LRP4: variants seen among roughly 807,000 people sequenced by gnomAD.
LRP4 encodes the protein LDL receptor related protein 4, also known as low-density lipoprotein receptor-related protein 4.
In LRP4, 95 loss-of-function variants were observed where a neutral mutation model predicts 220.3. The ratio of observed to expected loss-of-function variants is 0.43; its 90% CI spans 0.37 to 0.51. LRP4 has a LOEUF of 0.51. Among genes scored for constraint, LRP4 ranks in the 20% least tolerant of loss-of-function variants. The pLI is 0.00. For synonymous variants in LRP4, 903 were observed against 954.6 expected (o/e 0.95, Z 1.00); for missense variants, 1,925 against 2,567.0 (o/e 0.75, Z 5.40).
At position 46,896,250 on chromosome 11, in the gene LRP4, G is replaced by A; in HGVS notation, c.1008C>T (p.Asp336=). ...GGCTTTCGTCGCTGTTGTCACCACA[G>A]TCGTTGACCCCGTTGCACAGCTTCC... is the stretch of plus-strand genomic sequence containing the variant. ...GQRKLCNGVN[D]CGDNSDESPQ... The change falls in exon 9 of 38, where the codon GAC becomes GAT. Residue 336 remains aspartate (D), a synonymous_variant. Coordinates refer to ENST00000378623, the MANE Select transcript of LRP4 (RefSeq NM_002334.4). 6.2e-7 allele frequency: 1 copy of A among 1,614,166 alleles called. No homozygotes were observed. The highest frequency in any genetic ancestry group is 8.5e-7 in the Non-Finnish European group (1 of 1,180,048).
rs1009106406 is a variant in LRP4 at position 46,876,900 on chromosome 11, G to C, written c.3278-70C>G. On this transcript the variant is annotated intron_variant, in intron 23 of 37. Coordinates refer to ENST00000378623, the MANE Select transcript of LRP4 (RefSeq NM_002334.4). ...AATGGGACACACACAGCTGATTCAT[G>C]TCTTGAAACACCAGAGCATGTCAGA... 9.0e-6 allele frequency: 11 copies of C among 1,221,542 alleles called. No individual in the cohort carries two copies. The African/African-American group carries it at 1.5e-4, about 17-fold the overall frequency. 75.7% of individuals were successfully genotyped at this position (1,221,542 alleles called of 1,614,324 possible).
At position 46,899,791 on chromosome 11, in the gene LRP4, G is replaced by T; in HGVS notation, c.430+72C>A. 1 of 1,244,176 alleles carries T rather than the reference G, an allele frequency of 8.0e-7. No homozygotes were observed. The highest frequency in any genetic ancestry group is 1.2e-6 in the Non-Finnish European group (1 of 848,486). 77.1% of individuals were successfully genotyped at this position (1,244,176 alleles called of 1,614,324 possible). On this transcript the variant is annotated intron_variant, in intron 4 of 37. Transcript: ENST00000378623. This position sits in a 1 kb window ranked among gnomAD's most constrained non-coding sequence, Gnocchi z 5.9. Reference sequence around the variant, plus strand: ...GAGGTTTGGCAGTGCTAGGGCCATTGCTGCTATCTTCTCCCATGGCCAGGC... The same window carrying T: ...GAGGTTTGGCAGTGCTAGGGCCATTTCTGCTATCTTCTCCCATGGCCAGGC...
rs1374124785 is a variant in LRP4, at chr11:46,895,287, C to T, written c.1188G>A (p.Val396=). 1.9e-6 allele frequency: 3 copies of T among 1,613,100 alleles called. No individual in the cohort carries two copies. The change falls in exon 11 of 38, where the codon GTG becomes GTA. Residue 396 remains valine (V), a synonymous_variant. Coordinates refer to ENST00000378623, the MANE Select transcript of LRP4 (RefSeq NM_002334.4). ...AATACCCCTCCTCGGCACATTCATT[C>T]ACATCTGGGAACACCAGGCAGGTCA... ...LTEDGHTCQD[V]NECAEEGYCS...
chr11:46,912,347 G>A (rs1941874195), intron 1 of LRP4, among the ~76,000 whole-genome samples: 1 of 152,170 alleles, frequency 6.6e-6, no homozygotes, highest in African/African-American at 2.4e-5. Context: ...CCCACAATTT[G>A]CAAAAATTGT....
In LRP4 at chr11:46,874,778, G is replaced by A. The variant is rs1940964414; in HGVS notation, c.4229+22C>T. ...ACCAGAAGCAAATCTGTGTCTTCTGGAGGTTTCAGTGTTGCTCATACCTGA... is the reference window on the plus strand; with the variant it reads ...ACCAGAAGCAAATCTGTGTCTTCTGAAGGTTTCAGTGTTGCTCATACCTGA... On this transcript the variant is annotated intron_variant, in intron 28 of 37. Transcript: ENST00000378623. 12 of 1,611,100 alleles carry A rather than the reference G, an allele frequency of 7.4e-6. No individual in the cohort carries two copies. In the East Asian group the frequency reaches 2.7e-4, roughly 36 times the overall value.
At chr11:46,905,543 G>A (rs1259822744) in intron 1 of LRP4, among the ~76,000 whole-genome samples, 1 of 152,178 alleles carries the variant, frequency 6.6e-6, no homozygotes, top group East Asian at 1.9e-4. Flanking sequence ...AGCTAGGGAT[G>A]CTGCTAAAGA....
chr11:46,890,223 C>A lies in LRP4; in HGVS notation c.1915+54G>T, dbSNP rs536512832. The A allele has an allele frequency of 6.8e-6, 11 of 1,606,202 alleles. No individual in the cohort carries two copies. The highest frequency in any genetic ancestry group is 1.3e-5 in the African/African-American group (1 of 74,804). ...AACCTCTACCAAGGCTCCTGGGGGGCAGGGACGGGGGCAGGAGGACAAGAG... is the reference window on the plus strand; with the variant it reads ...AACCTCTACCAAGGCTCCTGGGGGGAAGGGACGGGGGCAGGAGGACAAGAG... On this transcript the variant is annotated intron_variant, in intron 14 of 37. Coordinates refer to ENST00000378623, the MANE Select transcript of LRP4 (RefSeq NM_002334.4). The surrounding 1 kb of genome is among the most constrained non-coding windows in gnomAD (Gnocchi z 5.3).
intron 1 of LRP4, among the ~76,000 whole-genome samples, chr11:46,915,055 T>C (rs1174968843): frequency 6.6e-6 from 1 of 152,182 alleles, no homozygotes; most frequent in African/African-American, 2.4e-5. Context: ...CTTGCACCTG[T>C]CATTCTTAAT....
intron 1 of LRP4, among the ~76,000 whole-genome samples, chr11:46,903,200 A>G (rs150374349): frequency 6.6e-6 from 1 of 152,284 alleles, no homozygotes; most frequent in Non-Finnish European, 1.5e-5. Flanking sequence ...CCAGAAACAG[A>G]TGATGCCACC....
intron 36 of LRP4, chr11:46,862,968 G>T: frequency 1.8e-6 from 1 of 565,700 alleles, no homozygotes; most frequent in Non-Finnish European, 3.2e-6. Flanking sequence ...ACTAGATTAG[G>T]TTACCAAGAA....
In LRP4 at chr11:46,874,825, T is replaced by C; in HGVS notation, c.4204A>G (p.Thr1402Ala). ...YDSVDGKVYY[T>A]DVFLDVIRRA... ...CTGATAACATCCAGGAACACATCTG[T>C]GTAATAGACCTTTCCATCCACGCTG... Residue 1402 changes from threonine to alanine, a missense_variant, in exon 28 of 38, where the codon ACA (threonine) becomes GCA (alanine). Thr to Ala is a moderately conservative substitution (Grantham distance 58). Coordinates refer to ENST00000378623, the MANE Select transcript of LRP4 (RefSeq NM_002334.4). 6.2e-7 allele frequency: 1 copy of C among 1,613,986 alleles called. No homozygotes were observed. Among genetic ancestry groups the C allele is most frequent in the Non-Finnish European group, 8.5e-7 (1 of 1,179,844 alleles).
At chr11:46,884,983 A>C (rs999733551) in intron 18 of LRP4, among the ~76,000 whole-genome samples, 1 of 152,070 alleles carries the variant, frequency 6.6e-6, no homozygotes, top group East Asian at 1.9e-4. Context: ...TGATTCAGTA[A>C]GTCTTGACTT....
chr11:46,913,361 C>T (rs556655183), intron 1 of LRP4, among the ~76,000 whole-genome samples: 2 of 152,206 alleles, frequency 1.3e-5, no homozygotes, highest in South Asian at 4.1e-4. Flanking sequence ...GTCAACTTTC[C>T]GCAGCTCCCA....
chr11:46,895,268 C>T lies in LRP4; in HGVS notation c.1207G>A (p.Gly403Arg), dbSNP rs1465167714. ...CQDVNECAEE[G>R]YCSQGCTNSE... ...TTGGTGCAGCCCTGGCTGCAATACC[C>T]CTCCTCGGCACATTCATTCACATCT... is the stretch of plus-strand genomic sequence containing the variant. Residue 403 changes from glycine (G) to arginine (R), a missense_variant, in exon 11 of 38, where the codon GGG (glycine) becomes AGG (arginine). By Grantham distance (125) the Gly-to-Arg change is moderately radical. Transcript: ENST00000378623. 1 of 1,613,604 alleles carries T rather than the reference C, an allele frequency of 6.2e-7. No individual in the cohort carries two copies. Among genetic ancestry groups the T allele is most frequent in the Non-Finnish European group, 8.5e-7 (1 of 1,180,032 alleles).
chr11:46,881,749 C>T lies in LRP4; in HGVS notation c.2767G>A (p.Gly923Ser), dbSNP rs765716290. 3.7e-5 allele frequency: 60 copies of T among 1,613,634 alleles called. No individual in the cohort carries two copies. Among genetic ancestry groups the T allele is most frequent in the Non-Finnish European group, 4.8e-5 (57 of 1,180,028 alleles). ...CCAGCAAATTCAATTGTCTTCATGC[C>T]GGCGTCAGCCCAGTATAGACGCTGG... is the stretch of plus-strand genomic sequence containing the variant. ...GSQRLYWADA[G>S]MKTIEFAGLD... is the part of the protein sequence containing the mutation. The change falls in exon 20 of 38, where the codon GGC (glycine) becomes AGC (serine). Residue 923 changes from glycine (G) to serine (S), a missense_variant. Physicochemically the swap from Gly to Ser is moderately conservative, Grantham distance 56. Around this residue, in one of 3 missense-constraint regions of LRP4, gnomAD observed 1,244 missense variants for 1,624.9 expected, o/e 0.77. Coordinates refer to ENST00000378623, the MANE Select transcript of LRP4 (RefSeq NM_002334.4).
Position 46,890,265 on chromosome 11 carries a change from G to A in LRP4, c.1915+12C>T. 3 of 1,613,794 alleles carry A rather than the reference G, an allele frequency of 1.9e-6. No homozygotes were observed. The highest frequency in any genetic ancestry group is 2.5e-6 in the Non-Finnish European group (3 of 1,179,700). On this transcript the variant is annotated intron_variant, in intron 14 of 37. Coordinates refer to ENST00000378623, the MANE Select transcript of LRP4 (RefSeq NM_002334.4). The surrounding 1 kb of genome is among the most constrained non-coding windows in gnomAD (Gnocchi z 5.3). ...GGACAAGAGATGAAGGAGACTGAAG[G>A]AAGGGGCTCACCCTGGCTAATGACA...
chr11:46,911,817 T>C (rs1049997706), intron 1 of LRP4, among the ~76,000 whole-genome samples: 3 of 149,356 alleles, frequency 2.0e-5, no homozygotes, highest in African/African-American at 7.3e-5. Context: ...TGAGCCTGTT[T>C]CCCATCTGTA....
At position 46,886,180 on chromosome 11, in the gene LRP4, G is replaced by C. The variant is rs1161697703; in HGVS notation, c.2425-8C>G. 1.9e-6 allele frequency: 3 copies of C among 1,613,298 alleles called. No individual in the cohort carries two copies. The highest frequency in any genetic ancestry group is 2.5e-6 in the Non-Finnish European group (3 of 1,179,400). ...ACTGGTATCCACTACCACCTGGGCA[G>C]GAAGCAAAGCTGTATCACCAACTGT... is the stretch of plus-strand genomic sequence containing the variant. On this transcript the variant is annotated splice_region_variant and splice_polypyrimidine_tract_variant and intron_variant, in intron 17 of 37. Coordinates refer to ENST00000378623, the MANE Select transcript of LRP4 (RefSeq NM_002334.4).
intron 31 of LRP4, among the ~76,000 whole-genome samples, chr11:46,870,165 AG>A (rs1386724613): frequency 6.6e-6 from 1 of 151,850 alleles, no homozygotes; most frequent in African/African-American, 2.4e-5. Context: ...CCTACTCGGG[AG>A]GCTGAGGCAG....
Sources: gnomAD v4.1 joint callset for allele counts (sites outside exome capture counted in the v4.1 genomes callset) on GRCh38, gnomAD v4.1.1 for gene constraint, gnomAD v4.1.1 regional missense constraint, Gnocchi (gnomAD v3.1) non-coding constraint, MANE v1.5 for transcripts, NCBI Gene and HGNC (gene_info 2026-07-23, HGNC 2026-07-21) for gene names.